The following HSD17B3 variants were observed in gnomAD, a reference collection of about 807,000 sequenced individuals.
HSD17B3 encodes 17-beta-hydroxysteroid dehydrogenase type 3.
HSD17B3 carries 29 observed loss-of-function variants against 41.1 expected under a neutral mutation model. The observed-to-expected ratio is 0.71, with a 90% confidence interval of 0.53 to 0.96. The LOEUF (loss-of-function observed/expected upper bound fraction) is 0.96. HSD17B3 is among the 40% of genes least tolerant of loss of function. HSD17B3 has a pLI of 0.00. For synonymous variants in HSD17B3, 126 were observed against 145.6 expected (o/e 0.87, Z 0.97); for missense variants, 323 against 374.6 (o/e 0.86, Z 1.14).
At chr9:96,286,019 C>T (rs1023594510) in intron 2 of HSD17B3, among the ~76,000 whole-genome samples, 14 of 152,180 alleles carry the variant, frequency 9.2e-5, no homozygotes, top group African/African-American at 3.4e-4. Flanking sequence ...GGAGGTCAAC[C>T]CAAGATACAG....
intron 2 of HSD17B3, among the ~76,000 whole-genome samples, chr9:96,274,677 G>T (rs1044236144): frequency 5.9e-5 from 9 of 152,000 alleles, no homozygotes; most frequent in Non-Finnish European, 1.5e-5. Context: ...CTTGAAGAAA[G>T]GACATTTGAA....
At chr9:96,244,524 G>A (rs1836581841) in intron 8 of HSD17B3, 130 bp from the exon 9 acceptor site, 2 of 793,990 alleles carry the variant, frequency 2.5e-6, no homozygotes. Context: ...GGAGCTCTGG[G>A]TACGGAGGGT....
rs1447402833 is a variant in HSD17B3 at position 96,254,901 on chromosome 9, G to C, written c.244C>G (p.Leu82Val). ...GLNVVLISRTLEKLEAIATEI... is the reference protein window; with the variant it reads ...GLNVVLISRTVEKLEAIATEI... ...GTGGCAATGGCCTCTAGTTTTTCCA[G>C]CGTCCGGCTAATAAGGACAACATTG... Residue 82 changes from leucine (L) to valine (V), a missense_variant, in exon 3 of 11, where the codon CTG becomes GTG. Leu to Val is a conservative substitution (Grantham distance 32). Transcript: ENST00000375263. The C allele has an allele frequency of 6.2e-7, 1 of 1,614,072 alleles. No homozygotes were observed. Among genetic ancestry groups the C allele is most frequent in the South Asian group, 1.1e-5 (1 of 91,052 alleles).
At chr9:96,293,718 G>T (rs1827244179) in intron 2 of HSD17B3, among the ~76,000 whole-genome samples, 1 of 151,604 alleles carries the variant, frequency 6.6e-6, no homozygotes, top group Admixed American at 6.6e-5. Context: ...CGAGAACCAT[G>T]ACTAATACAT....
intron 10 of HSD17B3, chr9:96,239,219 G>A (rs1836340281): frequency 6.6e-6 from 1 of 152,442 alleles, no homozygotes; most frequent in African/African-American, 2.4e-5. Flanking sequence ...GGACCGTCAT[G>A]GACCACAGGG....
chr9:96,275,589 G>GAA (rs949343345), intron 2 of HSD17B3, among the ~76,000 whole-genome samples: 2 of 140,220 alleles, frequency 1.4e-5, no homozygotes, highest in African/African-American at 5.3e-5. Context: ...CAGAAAAAAA[G>GAA]AAAAAAAAAA....
chr9:96,240,932 G>C (rs1243060491), intron 9 of HSD17B3, 25 bp from the exon 10 acceptor site: 2 of 1,613,674 alleles, frequency 1.2e-6, no homozygotes, highest in African/African-American at 2.7e-5. Flanking sequence ...AAAGACCATG[G>C]CACAGAAGCA....
chr9:96,260,986 C>T (rs1306111436), intron 2 of HSD17B3, among the ~76,000 whole-genome samples: 1 of 152,094 alleles, frequency 6.6e-6, no homozygotes, highest in Non-Finnish European at 1.5e-5. Context: ...TCACTGTGCG[C>T]TCTTATTTTT....
intron 2 of HSD17B3, among the ~76,000 whole-genome samples, chr9:96,255,573 G>T (rs1184533350): frequency 6.6e-6 from 1 of 151,386 alleles, no homozygotes; most frequent in Non-Finnish European, 1.5e-5. Flanking sequence ...TATTTTTAGT[G>T]GAGACAGGGT....
At chr9:96,241,631 T>C (rs1836441648) in intron 9 of HSD17B3, among the ~76,000 whole-genome samples, 1 of 152,084 alleles carries the variant, frequency 6.6e-6, no homozygotes, top group Admixed American at 6.6e-5. Flanking sequence ...AACAAAGGGT[T>C]TGGCATCTTT....
At chr9:96,284,840 A>AT (rs1826846878) in intron 2 of HSD17B3, among the ~76,000 whole-genome samples, 4 of 58,356 alleles carry the variant, frequency 6.9e-5, no homozygotes, top group Non-Finnish European at 1.2e-4. Context: ...CATCAAAGCC[A>AT]ATTTTTTTTT....
chr9:96,293,006 T>C lies in HSD17B3; in HGVS notation c.201+5410A>G, dbSNP rs149548994. 8.9e-3 allele frequency among the ~76,000 whole-genome samples: 1,356 copies of C among 152,328 alleles called. 16 individuals carry two copies. Among genetic ancestry groups the C allele is most frequent in the Non-Finnish European group, 0.012 (839 of 68,028 alleles). On this transcript the variant is annotated intron_variant, in intron 2 of 10. Transcript: ENST00000375263. ...ATGAAGAAAAACTAAGATAATTTGT[T>C]GCCTGCAGACCAACCCTAAAATAAT...
intron 2 of HSD17B3, among the ~76,000 whole-genome samples, chr9:96,272,427 ATATATATATATATATATAT>A (rs1345302250): frequency 2.6e-4 from 15 of 58,010 alleles, no homozygotes; most frequent in Admixed American, 4.2e-4. Flanking sequence ...ATATATATAT[ATATATATATATATATATAT>A]AAAATATATA....
At chr9:96,273,317 A>G (rs1826332338) in intron 2 of HSD17B3, among the ~76,000 whole-genome samples, 1 of 152,220 alleles carries the variant, frequency 6.6e-6, no homozygotes, top group Non-Finnish European at 1.5e-5. Flanking sequence ...CCTGATTACA[A>G]AGAAGTTTCA....
chr9:96,242,122 G>C (rs896924287), intron 9 of HSD17B3, among the ~76,000 whole-genome samples: 5 of 151,766 alleles, frequency 3.3e-5, no homozygotes, highest in Admixed American at 3.3e-4. Flanking sequence ...ACCCAATTAT[G>C]AATCAATTAA....
At chr9:96,241,985 G>A (rs1281972558) in intron 9 of HSD17B3, among the ~76,000 whole-genome samples, 2 of 116,642 alleles carry the variant, frequency 1.7e-5, no homozygotes, top group Non-Finnish European at 3.6e-5. Context: ...AAGAAAGAAA[G>A]AAAGAAAGAA....
At chr9:96,280,670 GA>G (rs1826655726) in intron 2 of HSD17B3, among the ~76,000 whole-genome samples, 1 of 152,180 alleles carries the variant, frequency 6.6e-6, no homozygotes, top group Non-Finnish European at 1.5e-5. Flanking sequence ...GGAGCTGGGT[GA>G]AATGAGGCTG....
At chr9:96,245,555 G>A in intron 7 of HSD17B3, 129 bp from the exon 8 acceptor site, 1 of 721,222 alleles carries the variant, frequency 1.4e-6, no homozygotes, top group Non-Finnish European at 2.5e-6. Flanking sequence ...AGTGCTAGGG[G>A]CTCTGCTTCT....
intron 2 of HSD17B3, among the ~76,000 whole-genome samples, chr9:96,282,454 TTTAC>T (rs1395845674): frequency 6.6e-6 from 1 of 152,216 alleles, no homozygotes; most frequent in Non-Finnish European, 1.5e-5. Context: ...AAATATTAAG[TTTAC>T]TTAATGCTTT....
Sources: gnomAD v4.1 joint callset for allele counts (sites outside exome capture counted in the v4.1 genomes callset) on GRCh38, gnomAD v4.1.1 for gene constraint, MANE v1.5 for transcripts, NCBI Gene and HGNC (gene_info 2026-07-23, HGNC 2026-07-21) for gene names.